Variants in FAM200B observed in about 807,000 individuals in gnomAD.
The protein encoded by FAM200B is protein FAM200B.
Under a neutral mutation model 33.1 loss-of-function variants are expected in FAM200B, and 32 were observed. The ratio of observed to expected loss-of-function variants is 0.97; its 90% confidence interval spans 0.73 to 1.30. The LOEUF (loss-of-function observed/expected upper bound fraction) is 1.30. Among genes scored for constraint, FAM200B ranks in the 50% most tolerant of loss-of-function variants. The pLI, the probability that FAM200B is intolerant of heterozygous loss-of-function variation, is 0.00. For missense variants in FAM200B, 741 were observed against 754.0 expected (o/e 0.98, Z 0.20); for synonymous variants, 240 against 264.8 (o/e 0.91, Z 0.91).
At chr4:15,664,396 A>T in the FAM200B span, among the ~76,000 whole-genome samples, 6 of 152,010 alleles carry the variant, frequency 3.9e-5, no homozygotes, top group African/African-American at 1.5e-4. Context: ...GTTAAATCAT[A>T]TTGGCACACT....
chr4:15,675,217 A>G, the FAM200B span, among the ~76,000 whole-genome samples: 1 of 152,176 alleles, frequency 6.6e-6, no homozygotes, highest in Non-Finnish European at 1.5e-5. Flanking sequence ...TTCACTTCCT[A>G]TATTTTGTTC....
the FAM200B span, among the ~76,000 whole-genome samples, chr4:15,648,779 G>A: frequency 6.6e-6 from 1 of 152,024 alleles, no homozygotes; most frequent in African/African-American, 2.4e-5. Context: ...TACGTTCTGG[G>A]GATATAAGGT....
the FAM200B span, among the ~76,000 whole-genome samples, chr4:15,672,800 A>T: frequency 6.6e-6 from 1 of 152,174 alleles, no homozygotes; most frequent in Admixed American, 6.5e-5. Flanking sequence ...AAACTTAAAA[A>T]TTTTTTTAAA....
the FAM200B span, among the ~76,000 whole-genome samples, chr4:15,664,692 G>A: frequency 6.6e-6 from 1 of 151,378 alleles, no homozygotes; most frequent in African/African-American, 2.4e-5. Flanking sequence ...CAAGTAGCTG[G>A]GATTACAGGC....
the FAM200B span, chr4:15,655,052 G>A: frequency 1.4e-5 from 6 of 417,902 alleles, no homozygotes; most frequent in Non-Finnish European, 1.8e-5. Flanking sequence ...CAGGCTGCGG[G>A]AGCGGGCGGC....
At chr4:15,640,763 A>C in the FAM200B span, 1 of 1,283,428 alleles carries the variant, frequency 7.8e-7, no homozygotes, top group South Asian at 1.4e-5. Flanking sequence ...ATAAATCTAA[A>C]TCACGAAAGA....
upstream of FAM200B, among the ~76,000 whole-genome samples, chr4:15,679,427 T>C (rs1039526850): frequency 1.3e-5 from 2 of 152,030 alleles, no homozygotes; most frequent in African/African-American, 4.8e-5. Flanking sequence ...TGAGTAATAT[T>C]TACCCAAGTC....
At chr4:15,668,049 A>AT in the FAM200B span, among the ~76,000 whole-genome samples, 1 of 152,032 alleles carries the variant, frequency 6.6e-6, no homozygotes, top group Non-Finnish European at 1.5e-5. Context: ...CTCTAAAAAA[A>AT]AAAAAAAACA....
chr4:15,679,082 T>C (rs900495551), upstream of FAM200B, among the ~76,000 whole-genome samples: 277 of 149,256 alleles, frequency 1.9e-3, 1 homozygote, highest in African/African-American at 6.4e-3. Context: ...TTTTTTTTTT[T>C]TGAGACGGAG....
At chr4:15,668,936 T>C in the FAM200B span, among the ~76,000 whole-genome samples, 1 of 152,230 alleles carries the variant, frequency 6.6e-6, no homozygotes, top group Non-Finnish European at 1.5e-5. Context: ...TTTTTACCAC[T>C]GCAGAACATT....
chr4:15,654,157 T>C, the FAM200B span, among the ~76,000 whole-genome samples: 1 of 152,206 alleles, frequency 6.6e-6, no homozygotes, highest in Non-Finnish European at 1.5e-5. Flanking sequence ...ACCCCTCTTT[T>C]CTGTAGACAA....
chr4:15,675,367 T>C, the FAM200B span, among the ~76,000 whole-genome samples: 1 of 152,210 alleles, frequency 6.6e-6, no homozygotes, highest in Non-Finnish European at 1.5e-5. Flanking sequence ...TAGGACTAAA[T>C]GACCAACTAC....
the FAM200B span, among the ~76,000 whole-genome samples, chr4:15,649,493 T>C: frequency 1.3e-5 from 2 of 150,090 alleles, no homozygotes; most frequent in African/African-American, 2.4e-5. Flanking sequence ...GGCAGAAGAA[T>C]TGCTTGAACC....
At chr4:15,636,816 T>C in the FAM200B span, 1 of 606,564 alleles carries the variant, frequency 1.6e-6, no homozygotes, top group Non-Finnish European at 2.8e-6. Flanking sequence ...TGAAATAACA[T>C]GTATTAGAGG....
At chr4:15,658,229 A>G in the FAM200B span, among the ~76,000 whole-genome samples, 1 of 152,258 alleles carries the variant, frequency 6.6e-6, no homozygotes, top group Non-Finnish European at 1.5e-5. Flanking sequence ...ACAAGCAATG[A>G]AAGAATGTTT....
the FAM200B span, among the ~76,000 whole-genome samples, chr4:15,674,220 T>A: frequency 1.7e-4 from 25 of 150,372 alleles, no homozygotes; most frequent in Admixed American, 1.1e-3. Context: ...TTTTTTTTTT[T>A]AATTCTCTAG....
At chr4:15,678,541 C>T (rs1361417734), upstream of FAM200B, among the ~76,000 whole-genome samples, 1 of 152,172 alleles carries the variant, frequency 6.6e-6, no homozygotes, top group African/African-American at 2.4e-5. Context: ...ACTAAATATA[C>T]ATTTACATAG....
At position 15,688,196 on chromosome 4, in the gene FAM200B, T is replaced by C; in HGVS notation, c.1219T>C (p.Phe407Leu). ...TTATGAGCTCAGGAATGAGATTCAC[T>C]TTTTTCTCATTGAAAAAAAATCTCA... ...RVYELRNEIH[F>L]FLIEKKSHLA... The change falls in exon 2 of 2, where the codon TTT becomes CTT. Residue 407 changes from phenylalanine (F) to leucine (L), a missense_variant. By Grantham distance (22) the Phe-to-Leu change is conservative (BLOSUM62 0). Coordinates refer to ENST00000422728, the MANE Select transcript of FAM200B (RefSeq NM_001145191.2). 1.3e-6 allele frequency: 2 copies of C among 1,551,038 alleles called. No homozygotes were observed. The highest frequency in any genetic ancestry group is 1.2e-5 in the South Asian group (1 of 83,984).
chr4:15,647,659 G>A, the FAM200B span, among the ~76,000 whole-genome samples: 1 of 152,110 alleles, frequency 6.6e-6, no homozygotes, highest in Non-Finnish European at 1.5e-5. Flanking sequence ...ATTAACTATA[G>A]TAACTATATA....
Sources: gnomAD v4.1 joint callset for allele counts (sites outside exome capture counted in the v4.1 genomes callset) on GRCh38, gnomAD v4.1.1 for gene constraint, MANE v1.5 for transcripts, NCBI Gene and HGNC (gene_info 2026-07-23, HGNC 2026-07-21) for gene names.